Variants in ADAMTS19 observed in about 807,000 individuals in gnomAD.
ADAMTS19 encodes the protein A disintegrin and metalloproteinase with thrombospondin motifs 19.
In ADAMTS19, 93 loss-of-function variants were observed where a neutral mutation model predicts 153.3. The ratio of observed to expected loss-of-function variants is 0.61; its 90% CI spans 0.51 to 0.72. The LOEUF is 0.72. Among genes scored for constraint, ADAMTS19 ranks in the 30% least tolerant of loss-of-function variants. The pLI, the probability that ADAMTS19 is intolerant of heterozygous loss-of-function variation, is 0.00. For synonymous variants in ADAMTS19, 600 were observed against 556.6 expected, an observed-to-expected ratio of 1.08 and a Z score of -1.10; for missense variants, 1,482 against 1,552.1, an observed-to-expected ratio of 0.95 and a Z score of 0.76.
chr5:129,472,143 A>G (rs1179720274), intron 2 of ADAMTS19, among the ~76,000 whole-genome samples: 1 of 152,230 alleles, frequency 6.6e-6, no homozygotes, highest in African/African-American at 2.4e-5. Flanking sequence ...TATCTTCCAC[A>G]ATGGTTGAAC....
At chr5:129,619,095 T>A (rs1441745442) in intron 8 of ADAMTS19, among the ~76,000 whole-genome samples, 1 of 152,028 alleles carries the variant, frequency 6.6e-6, no homozygotes, top group Non-Finnish European at 1.5e-5. Flanking sequence ...GAAAACCTGA[T>A]AGAAGTAAAC....
At chr5:129,618,692 T>G (rs528770705) in intron 8 of ADAMTS19, among the ~76,000 whole-genome samples, 18 of 152,158 alleles carry the variant, frequency 1.2e-4, no homozygotes, top group African/African-American at 4.3e-4. Context: ...AAACACAATA[T>G]AGATATTCTT....
intron 7 of ADAMTS19, among the ~76,000 whole-genome samples, chr5:129,554,085 A>G (rs1282137937): frequency 6.6e-6 from 1 of 152,176 alleles, no homozygotes; most frequent in African/African-American, 2.4e-5. Context: ...AAGGTAATCT[A>G]GAGATGATTC....
intron 3 of ADAMTS19, among the ~76,000 whole-genome samples, chr5:129,511,600 A>G (rs1751439648): frequency 2.0e-5 from 3 of 151,502 alleles, no homozygotes. Flanking sequence ...ATAGTGTGAT[A>G]AGAACTACAA....
intron 7 of ADAMTS19, among the ~76,000 whole-genome samples, chr5:129,567,711 G>A (rs768305191): frequency 1.3e-5 from 2 of 151,824 alleles, no homozygotes; most frequent in Non-Finnish European, 2.9e-5. Flanking sequence ...GAAACTCACT[G>A]GTTCCTGAGG....
At chr5:129,469,511 CCTT>C (rs959163892) in intron 2 of ADAMTS19, among the ~76,000 whole-genome samples, 4 of 151,950 alleles carry the variant, frequency 2.6e-5, no homozygotes, top group East Asian at 1.9e-4. Flanking sequence ...ATATGCTTAC[CCTT>C]CTTTTTAGCA....
rs75543737 is a variant in ADAMTS19, at chr5:129,668,600, C to T, written c.2506+3021C>T. Reference sequence around the variant, plus strand: ...TGACCTAATCACCTCTCAGAAGACTCCACCTTCTAATGCTTCTAATTCTAA... The same window carrying T: ...TGACCTAATCACCTCTCAGAAGACTTCACCTTCTAATGCTTCTAATTCTAA... On this transcript the variant is annotated intron_variant, in intron 16 of 22. Coordinates refer to ENST00000274487, the MANE Select transcript of ADAMTS19 (RefSeq NM_133638.6). Among the ~76,000 whole-genome samples, 1,370 of 152,178 alleles carry T rather than the reference C, an allele frequency of 9.0e-3. 6 individuals carry two copies. Among genetic ancestry groups the T allele is most frequent in the Middle Eastern group, 0.024 (7 of 294 alleles).
At chr5:129,646,045 C>T (rs1023158028) in intron 11 of ADAMTS19, among the ~76,000 whole-genome samples, 7 of 149,534 alleles carry the variant, frequency 4.7e-5, no homozygotes, top group African/African-American at 7.4e-5. Flanking sequence ...CCCGCCACTA[C>T]GCCCGGCTAA....
intron 15 of ADAMTS19, among the ~76,000 whole-genome samples, chr5:129,661,840 G>T (rs1753827025): frequency 6.6e-6 from 1 of 152,184 alleles, no homozygotes; most frequent in South Asian, 2.1e-4. Context: ...AGGAGGACAT[G>T]CTGTAAGAGC....
chr5:129,641,773 T>C (rs1475858417), intron 10 of ADAMTS19, 86 bp from the exon 11 acceptor site: 1 of 730,622 alleles, frequency 1.4e-6, no homozygotes, highest in African/African-American at 1.8e-5. Flanking sequence ...TGTTATTCTA[T>C]CAAAATAGCT....
At chr5:129,720,174 ATTTT>A (rs1177323633) in intron 21 of ADAMTS19, among the ~76,000 whole-genome samples, 5 of 113,330 alleles carry the variant, frequency 4.4e-5, no homozygotes, top group African/African-American at 2.4e-4. Flanking sequence ...ATATATATTT[ATTTT>A]TTTTTTTTTT....
At chr5:129,648,500 T>G (rs1753166998) in intron 12 of ADAMTS19, among the ~76,000 whole-genome samples, 1 of 152,212 alleles carries the variant, frequency 6.6e-6, no homozygotes, top group Admixed American at 6.5e-5. Flanking sequence ...AATGGGCATT[T>G]GAAGGCTTTC....
intron 21 of ADAMTS19, among the ~76,000 whole-genome samples, chr5:129,722,376 T>C (rs547435458): frequency 6.6e-6 from 1 of 152,338 alleles, no homozygotes; most frequent in Admixed American, 6.5e-5. Context: ...TTTTCATGTT[T>C]GTTGGCTGCA....
At chr5:129,669,380 T>C (rs1754197624) in intron 16 of ADAMTS19, among the ~76,000 whole-genome samples, 1 of 152,126 alleles carries the variant, frequency 6.6e-6, no homozygotes, top group South Asian at 2.1e-4. Context: ...TCATCTAGGT[T>C]ATCTAATTTA....
chr5:129,637,072 C>T (rs1334888070), intron 10 of ADAMTS19, among the ~76,000 whole-genome samples: 1 of 151,974 alleles, frequency 6.6e-6, no homozygotes, highest in Non-Finnish European at 1.5e-5. Context: ...ATAAATTCAC[C>T]TCCTTACACT....
At chr5:129,678,420 T>G (rs938113146) in intron 16 of ADAMTS19, among the ~76,000 whole-genome samples, 2 of 152,148 alleles carry the variant, frequency 1.3e-5, no homozygotes, top group South Asian at 4.1e-4. Flanking sequence ...CGTAACTTGT[T>G]TAATGTCTGG....
chr5:129,549,567 A>C (rs557451717), intron 6 of ADAMTS19, among the ~76,000 whole-genome samples: 1 of 151,872 alleles, frequency 6.6e-6, no homozygotes, highest in Admixed American at 6.6e-5. Flanking sequence ...ACAAATCAAA[A>C]ATTAGAATCA....
intron 7 of ADAMTS19, among the ~76,000 whole-genome samples, chr5:129,574,284 G>C (rs371562302): frequency 6.6e-6 from 1 of 151,322 alleles, no homozygotes; most frequent in Non-Finnish European, 1.5e-5. Context: ...CTTTTTTTTC[G>C]GCATTTTTTT....
At chr5:129,666,210 T>C (rs1247262108) in intron 16 of ADAMTS19, among the ~76,000 whole-genome samples, 1 of 152,024 alleles carries the variant, frequency 6.6e-6, no homozygotes, top group Non-Finnish European at 1.5e-5. Context: ...TGATTTTAAA[T>C]ATATGAAAAA....
Sources: gnomAD v4.1 joint callset for allele counts (sites outside exome capture counted in the v4.1 genomes callset) on GRCh38, gnomAD v4.1.1 for gene constraint, MANE v1.5 for transcripts, NCBI Gene and HGNC (gene_info 2026-07-23, HGNC 2026-07-21) for gene names.